Variants in RS1 observed in about 807,000 individuals in gnomAD.
RS1 encodes the protein retinoschisin 1, also known as retinoschisin.
In RS1, 2 loss-of-function variants were observed where a neutral mutation model predicts 20.8. The observed-to-expected ratio is 0.10, with a 90% CI of 0.04 to 0.30. The LOEUF (loss-of-function observed/expected upper bound fraction) is 0.30, where lower values mean the gene tolerates loss of function less well. RS1 is among the 10% of genes least tolerant of loss of function. The pLI is 1.00. For missense variants in RS1, 151 were observed against 189.8 expected, an observed-to-expected ratio of 0.80 and a Z score of 1.20; for synonymous variants, 70 against 75.8, an observed-to-expected ratio of 0.92 and a Z score of 0.40.
At chrX:18,652,600 C>T (rs1347243015) in intron 3 of RS1, among the ~76,000 whole-genome samples, 1 of 110,993 alleles carries the variant, frequency 9.0e-6, no homozygotes, top group Non-Finnish European at 1.9e-5. Flanking sequence ...ACCCAGGAGG[C>T]AGAGCTTGCA....
chrX:18,669,499 A>AAAG (rs1225173360), intron 1 of RS1, among the ~76,000 whole-genome samples: 8 of 107,935 alleles, frequency 7.4e-5, no homozygotes, highest in Non-Finnish European at 1.3e-4. Context: ...AAAAAAAAAA[A>AAAG]AAAAAGACAT....
intron 1 of RS1, among the ~76,000 whole-genome samples, chrX:18,666,454 G>A (rs181347934): frequency 1.8e-5 from 2 of 111,800 alleles, no homozygotes; most frequent in East Asian, 5.7e-4. Flanking sequence ...TGAGGCTGGA[G>A]CTAGAGGAGA....
chrX:18,647,500 A>C (rs1027491107), intron 3 of RS1, 168 bp from the exon 4 acceptor site: 13 of 491,392 alleles, frequency 2.6e-5, no homozygotes, highest in Admixed American at 1.8e-4. Context: ...ACGGTTCACT[A>C]CTCACGCAAG....
In RS1 at chrX:18,666,566, A is replaced by G. The variant is rs180988937; in HGVS notation, c.52+5451T>C. 2.1e-3 allele frequency among the ~76,000 whole-genome samples: 234 copies of G among 111,434 alleles called. 1 individual carries two copies. The highest frequency in any genetic ancestry group is 3.0e-3 in the Non-Finnish European group (158 of 53,028). On this transcript the variant is annotated intron_variant, in intron 1 of 5. Transcript: ENST00000379984. Reference sequence around the variant, plus strand: ...TTGTGGAACTTGAGGATAGACGAGGACATTACTGACCACAGTTTCAAAGGC... The same window carrying G: ...TTGTGGAACTTGAGGATAGACGAGGGCATTACTGACCACAGTTTCAAAGGC...
At chrX:18,661,061 C>T (rs1928300073) in intron 1 of RS1, among the ~76,000 whole-genome samples, 2 of 112,033 alleles carry the variant, frequency 1.8e-5, no homozygotes, top group African/African-American at 3.2e-5. Flanking sequence ...GGTTAGGGAG[C>T]GCCATCTTTG....
At chrX:18,653,608 A>G (rs945753341) in intron 3 of RS1, 1 of 1,135,166 alleles carries the variant, frequency 8.8e-7, no homozygotes, top group African/African-American at 1.8e-5. Flanking sequence ...GAACCAATTA[A>G]CACCAATGAA....
rs1446050012 is a variant in RS1 at position 18,640,795 on chromosome X, C to G, written c.*1209G>C. Reference sequence around the variant, plus strand: ...TCGTCCTCTGATTCCACCACCTGCTCTCCATATCCCTCTCCTGCCCCTCCC... The same window carrying G: ...TCGTCCTCTGATTCCACCACCTGCTGTCCATATCCCTCTCCTGCCCCTCCC... On this transcript the variant is annotated 3_prime_UTR_variant, in exon 6 of 6. Coordinates refer to ENST00000379984, the MANE Select transcript of RS1 (RefSeq NM_000330.4). The G allele has an allele frequency of 8.9e-6, 1 of 112,452 alleles. No homozygotes were observed. Among genetic ancestry groups the G allele is most frequent in the African/African-American group, 3.2e-5 (1 of 30,804 alleles). 9.3% of individuals were successfully genotyped at this position (112,452 alleles called of 1,213,427 possible). A position where few individuals can be genotyped will look rare whatever the true frequency, so the allele number is the denominator to read the frequency against.
intron 3 of RS1, among the ~76,000 whole-genome samples, chrX:18,654,771 A>G (rs1038979742): frequency 1.8e-5 from 2 of 112,069 alleles, no homozygotes; most frequent in South Asian, 7.4e-4. Flanking sequence ...TCCCTTGGAA[A>G]ACAAACTTAG....
chrX:18,644,662 CT>C (rs770056702), intron 4 of RS1, 37 bp from the exon 5 acceptor site: 16 of 1,177,626 alleles, frequency 1.4e-5, no homozygotes, highest in African/African-American at 3.6e-5. Flanking sequence ...GAGACTCCCC[CT>C]GTGCATGTCT....
rs761385911 is a variant in RS1, at chrX:18,647,260, G to A, written c.257C>T (p.Pro86Leu). 11 of 1,207,111 alleles carry A rather than the reference G, an allele frequency of 9.1e-6. No homozygotes were observed. The highest frequency in any genetic ancestry group is 3.5e-5 in the South Asian group (2 of 56,691). ...AGAATACCAGCCCACATACTGCTCC[G>A]GGTTAGAGCAGGTGATCTGGTCCGG... ...VTPDQITCSN[P>L]EQYVGWYSSW... is the part of the protein sequence containing the mutation. Residue 86 changes from proline to leucine, a missense_variant, in exon 4 of 6, where the codon CCG becomes CTG. Physicochemically the swap from Pro to Leu is moderately conservative, Grantham distance 98. Transcript: ENST00000379984.
intron 1 of RS1, among the ~76,000 whole-genome samples, chrX:18,666,323 G>A (rs1226791743): frequency 8.9e-6 from 1 of 111,967 alleles, no homozygotes; most frequent in East Asian, 2.8e-4. Context: ...TGATGTTGGA[G>A]CAAAGATTCG....
intron 1 of RS1, among the ~76,000 whole-genome samples, chrX:18,663,032 CTT>C (rs55857398): frequency 2.5e-3 from 186 of 74,679 alleles, no homozygotes; most frequent in Middle Eastern, 6.7e-3. Context: ...AGAACAATGA[CTT>C]TTTTTTTTTT....
chrX:18,660,605 T>C (rs1383993826), intron 1 of RS1, among the ~76,000 whole-genome samples: 1 of 112,164 alleles, frequency 8.9e-6, no homozygotes, highest in African/African-American at 3.2e-5. Context: ...GAAATAAAAG[T>C]CCCTCCTTTA....
At chrX:18,670,700 G>C (rs1928479504) in intron 1 of RS1, among the ~76,000 whole-genome samples, 1 of 111,336 alleles carries the variant, frequency 9.0e-6, no homozygotes, top group African/African-American at 3.3e-5. Context: ...GAAAGAGTCT[G>C]CTTAGATTTT....
chrX:18,662,952 A>G (rs1458295523), intron 1 of RS1, among the ~76,000 whole-genome samples: 2 of 108,210 alleles, frequency 1.8e-5, no homozygotes, highest in African/African-American at 3.4e-5. Flanking sequence ...GCTGCATAGT[A>G]TTCCATGGTG....
At chrX:18,670,223 C>CTTTT (rs34539361) in intron 1 of RS1, among the ~76,000 whole-genome samples, 18 of 78,608 alleles carry the variant, frequency 2.3e-4, no homozygotes, top group Non-Finnish European at 3.8e-4. Context: ...ATGTCAAGTC[C>CTTTT]TTTTTTTTTT....
At chrX:18,670,201 A>C (rs951148738) in intron 1 of RS1, among the ~76,000 whole-genome samples, 6 of 106,245 alleles carry the variant, frequency 5.6e-5, no homozygotes, top group Admixed American at 2.1e-4. Context: ...GGAAGAAACA[A>C]GGATGCCCTG....
chrX:18,661,771 C>A (rs372201840), intron 1 of RS1, among the ~76,000 whole-genome samples: 2 of 112,127 alleles, frequency 1.8e-5, no homozygotes, highest in Non-Finnish European at 3.8e-5. Context: ...GTGCGCTCTT[C>A]CGCCGGCGCA....
At chrX:18,649,211 T>C (rs1375437396) in intron 3 of RS1, among the ~76,000 whole-genome samples, 1 of 110,855 alleles carries the variant, frequency 9.0e-6, no homozygotes, top group Non-Finnish European at 1.9e-5. Flanking sequence ...TAACTGAATT[T>C]CTACAGAAAA....
Sources: allele counts gnomAD v4.1 joint callset (sites outside exome capture counted in the v4.1 genomes callset), GRCh38; gene constraint gnomAD v4.1.1; transcripts MANE v1.5; gene names NCBI Gene and HGNC (gene_info 2026-07-23, HGNC 2026-07-21).